The following TAF9 variants were observed in gnomAD, a reference collection of about 807,000 sequenced individuals.
TAF9 encodes the protein TATA-box binding protein associated factor 9, also known as transcription initiation factor TFIID subunit 9.
In TAF9, 10 loss-of-function variants were observed where a neutral mutation model predicts 16.5. The observed-to-expected ratio is 0.61, with a 90% CI of 0.37 to 1.03. The LOEUF is 1.03. Ranked by LOEUF, TAF9 falls within the 50% of genes least tolerant of loss-of-function variation. The pLI is 0.01. For synonymous variants in TAF9, 105 were observed against 120.5 expected, an observed-to-expected ratio of 0.87 and a Z score of 0.84; for missense variants, 288 against 319.1, an observed-to-expected ratio of 0.90 and a Z score of 0.74.
Position 69,365,425 on chromosome 5 carries a change from G to A in TAF9, c.313C>T (p.Pro105Ser). The change falls in exon 3 of 3, where the codon CCA becomes TCA. Residue 105 changes from proline to serine, a missense_variant. Coordinates refer to ENST00000217893, the MANE Select transcript of TAF9 (RefSeq NM_003187.5). ...GGACCTGAATATGGCTTGATCAATG[G>A]CAAAGGGGTTTGATTTCTTTGCCTT... is the stretch of plus-strand genomic sequence containing the variant. ...IARQRNQTPL[P>S]LIKPYSGPRL... 6.2e-7 allele frequency: 1 copy of A among 1,614,196 alleles called. No individual in the cohort carries two copies.
chr5:69,369,706 C>G (rs1201768575), upstream of TAF9: 3 of 1,551,958 alleles, frequency 1.9e-6, no homozygotes, highest in South Asian at 2.4e-5. Flanking sequence ...GTGGGCATAA[C>G]TCGGGTCGGT....
rs1332336336 is a variant in TAF9, at chr5:69,365,572, T to C, written c.166A>G (p.Ile56Val). The C allele has an allele frequency of 1.2e-6, 2 of 1,614,060 alleles. No individual in the cohort carries two copies. The highest frequency in any genetic ancestry group is 1.7e-5 in the Admixed American group (1 of 59,994). ...YVTTILDDAKIYSSHAKKATV... is the reference protein window; with the variant it reads ...YVTTILDDAKVYSSHAKKATV... ...GCTTTCTTAGCATGGCTTGAATAAATTTTTGCATCATCTAGAATTGTGGTC... is the reference window on the plus strand; with the variant it reads ...GCTTTCTTAGCATGGCTTGAATAAACTTTTGCATCATCTAGAATTGTGGTC... The change falls in exon 3 of 3, where the codon ATT becomes GTT. Residue 56 changes from isoleucine (I) to valine (V), a missense_variant. Physicochemically the swap from Ile to Val is conservative, Grantham distance 29. Transcript: ENST00000217893.
rs781435812 is a variant in TAF9, at chr5:69,365,462, T to TA, written c.275dup (p.Leu92PhefsTer23). 6.2e-7 allele frequency: 1 copy of TA among 1,614,170 alleles called. No homozygotes were observed. The highest frequency in any genetic ancestry group is 8.5e-7 in the Non-Finnish European group (1 of 1,180,030). On this transcript the variant is annotated frameshift_variant, in exon 3 of 3. Transcript: ENST00000217893. LOFTEE classifies it high-confidence loss of function. ...GATTTCTTTGCCTTGCAATATCTAA[T>TA]AAAAAATCTCTTGGGGGAGGAGAGG...
At chr5:69,369,239 C>CCCCCCCCCCG in intron 1 of TAF9, 1 of 212,970 alleles carries the variant, frequency 4.7e-6, no homozygotes, top group South Asian at 1.4e-4. Flanking sequence ...CCCCCCCGCC[C>CCCCCCCCCCG]CCCCCCGGAG....
intron 1 of TAF9, among the ~76,000 whole-genome samples, chr5:69,368,581 C>T (rs1375106925): frequency 6.6e-6 from 1 of 151,616 alleles, no homozygotes; most frequent in African/African-American, 2.4e-5. Context: ...GGTTAATCTG[C>T]ACCTCTCAGA....
At position 69,369,111 on chromosome 5, in the gene TAF9, A is replaced by C. The variant is rs952917443; in HGVS notation, c.-111+352T>G. Reference sequence around the variant, plus strand: ...ATGGCCTTACGTTATTTCGCTAAAAATCCCAAGGCCAACCCTGCCAAAGAA... The same window carrying C: ...ATGGCCTTACGTTATTTCGCTAAAACTCCCAAGGCCAACCCTGCCAAAGAA... On this transcript the variant is annotated intron_variant, in intron 1 of 2. Coordinates refer to ENST00000217893, the MANE Select transcript of TAF9 (RefSeq NM_003187.5). 1.5e-5 allele frequency: 6 copies of C among 397,418 alleles called. No homozygotes were observed. In the Admixed American group the frequency reaches 2.8e-4, roughly 19 times the overall value. 24.6% of individuals were successfully genotyped at this position (397,418 alleles called of 1,614,324 possible). A position where few individuals can be genotyped will look rare whatever the true frequency, so the allele number is the denominator to read the frequency against.
Position 69,365,561 on chromosome 5 carries a change from G to C in TAF9, c.177C>G (p.Ser59Arg). The C allele has an allele frequency of 6.2e-7, 1 of 1,613,964 alleles. No individual in the cohort carries two copies. Among genetic ancestry groups the C allele is most frequent in the Non-Finnish European group, 8.5e-7 (1 of 1,179,948 alleles). Residue 59 changes from serine (S) to arginine (R), a missense_variant, in exon 3 of 3, where the codon AGC becomes AGG. By Grantham distance (110) the Ser-to-Arg change is moderately radical (BLOSUM62 -1). Coordinates refer to ENST00000217893, the MANE Select transcript of TAF9 (RefSeq NM_003187.5). ...CATCAACAGTAGCTTTCTTAGCATG[G>C]CTTGAATAAATTTTTGCATCATCTA... The part of the protein sequence containing the change: ...TILDDAKIYS[S>R]HAKKATVDAD...
At position 69,364,976 on chromosome 5, in the gene TAF9, GTCA is replaced by G. The variant is rs558584166; in HGVS notation, c.759_761del (p.Asp260del). ...TATCATAGTCATCATCATCATCATC[GTCA>G]TCATCATCATCTTCACGTTTTCTTT... On this transcript the variant is annotated inframe_deletion, in exon 3 of 3. Coordinates refer to ENST00000217893, the MANE Select transcript of TAF9 (RefSeq NM_003187.5). The G allele has an allele frequency of 3.1e-4, 497 of 1,612,630 alleles. No homozygotes were observed. Among genetic ancestry groups the G allele is most frequent in the Middle Eastern group, 5.0e-4 (3 of 6,056 alleles).
chr5:69,366,398 G>T, intron 2 of TAF9, 105 bp downstream of exon 2: 4 of 810,812 alleles, frequency 4.9e-6, no homozygotes, highest in South Asian at 3.2e-5. Context: ...TTCTTTAATG[G>T]CAATCTCTGT....
rs1762435417 is a variant in TAF9, at chr5:69,366,578, T to C, written c.-93A>G. On this transcript the variant is annotated 5_prime_UTR_variant, in exon 2 of 3. Transcript: ENST00000217893. ...GCAAGTTCTTTGCCTAGTGTGGTTT[T>C]TCCAACCCCTGGTGTACCTGTAAGA... 6.2e-7 allele frequency: 1 copy of C among 1,613,826 alleles called. No individual in the cohort carries two copies. Among genetic ancestry groups the C allele is most frequent in the Admixed American group, 1.7e-5 (1 of 60,006 alleles).
chr5:69,368,096 G>A (rs1041540251), intron 1 of TAF9, among the ~76,000 whole-genome samples: 1 of 152,150 alleles, frequency 6.6e-6, no homozygotes, highest in African/African-American at 2.4e-5. Flanking sequence ...CTTCCCTAGA[G>A]ATAACCACTG....
chr5:69,365,509 A>C lies in TAF9; in HGVS notation c.229T>G (p.Cys77Gly). Reference sequence around the variant, plus strand: ...GAGGTAAAAGACTGATCAGCGCGGCACTGGATTGCCAATCGCACATCATCT... The same window carrying C: ...GAGGTAAAAGACTGATCAGCGCGGCCCTGGATTGCCAATCGCACATCATCT... Reference protein sequence around the residue: ...DADDVRLAIQCRADQSFTSPP... With the variant: ...DADDVRLAIQGRADQSFTSPP... The change falls in exon 3 of 3, where the codon TGC (cysteine) becomes GGC (glycine). Residue 77 changes from cysteine (C) to glycine (G), a missense_variant. Transcript: ENST00000217893. The C allele has an allele frequency of 6.2e-7, 1 of 1,613,976 alleles. No individual in the cohort carries two copies. Among genetic ancestry groups the C allele is most frequent in the Non-Finnish European group, 8.5e-7 (1 of 1,179,888 alleles).
chr5:69,365,537 A>G lies in TAF9; in HGVS notation c.201T>C (p.Asp67=). The G allele has an allele frequency of 6.2e-7, 1 of 1,613,994 alleles. No individual in the cohort carries two copies. The highest frequency in any genetic ancestry group is 2.2e-5 in the East Asian group (1 of 44,892). The change falls in exon 3 of 3, where the codon GAT becomes GAC. Residue 67 remains aspartate, a synonymous_variant. Transcript: ENST00000217893. The part of the protein sequence containing the change: ...YSSHAKKATV[D]ADDVRLAIQC... ...GGATTGCCAATCGCACATCATCTGC[A>G]TCAACAGTAGCTTTCTTAGCATGGC...
At chr5:69,369,281 C>T (rs896976487) in intron 1 of TAF9, 182 bp downstream of exon 1, 3 of 472,746 alleles carry the variant, frequency 6.3e-6, no homozygotes, top group Non-Finnish European at 1.1e-5. Flanking sequence ...GTTCCGCGTC[C>T]CCTCCCTCGC....
intron 2 of TAF9, 117 bp from the exon 3 acceptor site, chr5:69,365,871 T>A: frequency 1.5e-6 from 1 of 682,918 alleles, no homozygotes; most frequent in Non-Finnish European, 2.2e-6. Context: ...AAAAAATTTT[T>A]AAAATTTAAA....
intron 1 of TAF9, 52 bp downstream of exon 1, chr5:69,369,386 CCTGGGCGCCCGATGCCCAGAGCACT>C: frequency 6.5e-7 from 1 of 1,540,446 alleles, no homozygotes; most frequent in South Asian, 1.2e-5. Context: ...GGGGCCCCCA[CCTGGGCGCCCGATGCCCAGAGCACT>C]CTGCGCCCCC....
chr5:69,366,471 C>A (rs755634614), intron 2 of TAF9, 32 bp downstream of exon 2: 118 of 1,545,290 alleles, frequency 7.6e-5, no homozygotes, highest in Admixed American at 3.8e-4. Context: ...AAAAAAAAAA[C>A]AAAACAAATC....
Position 69,369,517 on chromosome 5 carries a change from C to A in TAF9, c.-165G>T, listed in dbSNP as rs200813638. 1 of 1,611,326 alleles carries A rather than the reference C, an allele frequency of 6.2e-7. No homozygotes were observed. The highest frequency in any genetic ancestry group is 1.1e-5 in the South Asian group (1 of 90,890). The stretch of plus-strand genomic sequence containing the variant: ...GTCCCCGCCGCGACGGCTTCGGGCG[C>A]CTCGCTCACGTGCCCTTTGCTCTAC... On this transcript the variant is annotated 5_prime_UTR_variant, in exon 1 of 3. Coordinates refer to ENST00000217893, the MANE Select transcript of TAF9 (RefSeq NM_003187.5).
rs11542581 is a variant in TAF9 at position 69,365,604 on chromosome 5, C to T, written c.134G>A (p.Arg45Gln). ...ATCATCTAGAATTGTGGTCACATAT[C>T]GGAAGGCAAACTCCAACATCTGATT... Reference protein sequence around the residue: ...VINQMLEFAFRYVTTILDDAK... With the variant: ...VINQMLEFAFQYVTTILDDAK... Residue 45 changes from arginine to glutamine, a missense_variant, in exon 3 of 3, where the codon CGA (arginine) becomes CAA (glutamine). Arg to Gln is a conservative substitution (Grantham distance 43, BLOSUM62 1). Coordinates refer to ENST00000217893, the MANE Select transcript of TAF9 (RefSeq NM_003187.5). The T allele has an allele frequency of 3.7e-6, 6 of 1,613,926 alleles. No individual in the cohort carries two copies. In the African/African-American group the frequency reaches 8.0e-5, roughly 22 times the overall value.
Sources: allele counts gnomAD v4.1 joint callset (sites outside exome capture counted in the v4.1 genomes callset), GRCh38; gene constraint gnomAD v4.1.1; transcripts MANE v1.5; gene names NCBI Gene and HGNC (gene_info 2026-07-23, HGNC 2026-07-21).